The following CDH6 variants were observed in gnomAD, a reference collection of about 807,000 sequenced individuals.
CDH6 encodes cadherin-6.
A neutral mutation model predicts 78.0 loss-of-function variants in CDH6; 31 were observed. That is an observed-to-expected ratio of 0.40 (90% CI 0.30 to 0.54). CDH6 has a LOEUF of 0.54. Among genes scored for constraint, CDH6 ranks in the 20% least tolerant of loss-of-function variants. The probability of loss-of-function intolerance (pLI) is 0.56; values close to 1 mark genes in which losing one functional copy is unlikely to be tolerated. For missense variants in CDH6, 724 were observed against 975.9 expected, an observed-to-expected ratio of 0.74 and a Z score of 3.44; for synonymous variants, 376 against 368.8, an observed-to-expected ratio of 1.02 and a Z score of -0.23.
At chr5:31,225,575 G>A (rs1741130288) in intron 1 of CDH6, among the ~76,000 whole-genome samples, 1 of 152,066 alleles carries the variant, frequency 6.6e-6, no homozygotes, top group Non-Finnish European at 1.5e-5. Context: ...TATACCTTAC[G>A]TGGCCGGAGC....
intron 7 of CDH6, 134 bp from the exon 8 acceptor site, chr5:31,313,184 C>A: frequency 1.5e-6 from 1 of 645,586 alleles, no homozygotes; most frequent in Non-Finnish European, 2.6e-6. Context: ...TTCAAATATG[C>A]ACTAGAGATG....
At chr5:31,282,227 G>T (rs1331328966) in intron 2 of CDH6, among the ~76,000 whole-genome samples, 1 of 152,006 alleles carries the variant, frequency 6.6e-6, no homozygotes, top group Admixed American at 6.6e-5. Context: ...GGTTTCACTG[G>T]GCTAAAATCA....
At chr5:31,202,004 A>G (rs1315908713) in intron 1 of CDH6, among the ~76,000 whole-genome samples, 1 of 152,206 alleles carries the variant, frequency 6.6e-6, no homozygotes, top group Non-Finnish European at 1.5e-5. Flanking sequence ...ACTTGATTAC[A>G]AAGCGGATAA....
At chr5:31,236,685 C>T (rs968637307) in intron 1 of CDH6, among the ~76,000 whole-genome samples, 9 of 152,150 alleles carry the variant, frequency 5.9e-5, no homozygotes, top group Admixed American at 5.9e-4. Flanking sequence ...TCCCCGCCCC[C>T]CATCTCCCAG....
At chr5:31,201,427 A>T (rs983021946) in intron 1 of CDH6, among the ~76,000 whole-genome samples, 1 of 152,194 alleles carries the variant, frequency 6.6e-6, no homozygotes, top group African/African-American at 2.4e-5. Flanking sequence ...AATAAAAAAA[A>T]TCATTGGTCA....
chr5:31,291,540 ACT>A (rs1264781183), intron 2 of CDH6, among the ~76,000 whole-genome samples: 3 of 151,832 alleles, frequency 2.0e-5, no homozygotes, highest in Non-Finnish European at 4.4e-5. Flanking sequence ...AGGTTAATTG[ACT>A]CTGCTGTGTT....
chr5:31,236,604 C>T (rs1282418227), intron 1 of CDH6, among the ~76,000 whole-genome samples: 2 of 152,110 alleles, frequency 1.3e-5, no homozygotes, highest in Non-Finnish European at 2.9e-5. Context: ...CTTTGGCTGG[C>T]CTCTCTGCTA....
chr5:31,240,144 G>T (rs1252126844), intron 1 of CDH6, among the ~76,000 whole-genome samples: 1 of 152,142 alleles, frequency 6.6e-6, no homozygotes, highest in Non-Finnish European at 1.5e-5. Context: ...TGACTGTCAT[G>T]AGATCCATTC....
chr5:31,301,489 CAA>C (rs796742274), intron 5 of CDH6, among the ~76,000 whole-genome samples: 20 of 151,966 alleles, frequency 1.3e-4, no homozygotes, highest in African/African-American at 4.8e-4. Context: ...ATTAGAATTA[CAA>C]ATATAAGTAT....
chr5:31,245,189 T>A (rs1183963499), intron 1 of CDH6, among the ~76,000 whole-genome samples: 1 of 152,114 alleles, frequency 6.6e-6, no homozygotes, highest in Non-Finnish European at 1.5e-5. Flanking sequence ...TATGACACAG[T>A]CTGATTACTG....
chr5:31,212,360 T>C (rs532623468), intron 1 of CDH6, among the ~76,000 whole-genome samples: 89 of 152,316 alleles, frequency 5.8e-4, no homozygotes, highest in African/African-American at 2.1e-3. Context: ...AAAAAATTTT[T>C]CATTAATTGG....
intron 1 of CDH6, among the ~76,000 whole-genome samples, chr5:31,223,284 T>C (rs566687004): frequency 3.3e-5 from 5 of 152,314 alleles, no homozygotes; most frequent in African/African-American, 1.2e-4. Flanking sequence ...GTTTGATGCA[T>C]TTTCATCTCT....
chr5:31,299,444 C>T lies in CDH6; in HGVS notation c.644-20C>T. On this transcript the variant is annotated intron_variant, in intron 4 of 11. Coordinates refer to ENST00000265071, the MANE Select transcript of CDH6 (RefSeq NM_004932.4). ...TATTCTTAATGCATCCCTTTGCACT[C>T]TTAAATTTCACATCCACAGGTATTA... 1 of 1,600,830 alleles carries T rather than the reference C, an allele frequency of 6.2e-7. No individual in the cohort carries two copies.
Position 31,325,020 on chromosome 5 carries a change from T to C in CDH6, c.*1712T>C, listed in dbSNP as rs557989614. On this transcript the variant is annotated 3_prime_UTR_variant, in exon 12 of 12. Coordinates refer to ENST00000265071, the MANE Select transcript of CDH6 (RefSeq NM_004932.4). Reference sequence around the variant, plus strand: ...TTTCTACAAATAATTTTAGTGTCATTTCCATTTGGGGATATTGTCATATCA... The same window carrying C: ...TTTCTACAAATAATTTTAGTGTCATCTCCATTTGGGGATATTGTCATATCA... 2.8e-4 allele frequency: 60 copies of C among 211,462 alleles called. No individual in the cohort carries two copies. Among genetic ancestry groups the C allele is most frequent in the Admixed American group, 1.2e-4 (2 of 17,046 alleles). 13.1% of individuals were successfully genotyped at this position (211,462 alleles called of 1,614,324 possible). A position where few individuals can be genotyped will look rare whatever the true frequency, so the allele number is the denominator to read the frequency against.
At chr5:31,285,187 T>C (rs1384868206) in intron 2 of CDH6, among the ~76,000 whole-genome samples, 2 of 152,214 alleles carry the variant, frequency 1.3e-5, no homozygotes, top group Non-Finnish European at 2.9e-5. Context: ...GGAGTGTTTC[T>C]ATTTTTGCTG....
At chr5:31,314,634 A>C (rs975227643) in intron 8 of CDH6, among the ~76,000 whole-genome samples, 1 of 152,016 alleles carries the variant, frequency 6.6e-6, no homozygotes, top group African/African-American at 2.4e-5. Flanking sequence ...GAATTTTTCA[A>C]GATTTATCTT....
intron 11 of CDH6, among the ~76,000 whole-genome samples, chr5:31,319,859 C>T (rs1055755344): frequency 1.3e-5 from 2 of 152,216 alleles, no homozygotes; most frequent in African/African-American, 4.8e-5. Flanking sequence ...ACTTGCAAAA[C>T]TTTCACATTT....
intron 2 of CDH6, among the ~76,000 whole-genome samples, chr5:31,287,040 T>C (rs746992752): frequency 2.2e-4 from 33 of 151,944 alleles, no homozygotes; most frequent in Admixed American, 4.6e-4. Context: ...ATGTGCTGAG[T>C]GTAAGTTGTC....
Position 31,313,394 on chromosome 5 carries a change from A to C in CDH6, c.1330A>C (p.Lys444Gln), listed in dbSNP as rs764214082. Residue 444 changes from lysine (K) to glutamine (Q), a missense_variant, in exon 8 of 12, where the codon AAA becomes CAA. Around this residue, in one of 3 missense-constraint regions of CDH6, gnomAD observed 446 missense variants for 684.5 expected, o/e 0.65. Transcript: ENST00000265071. ...TGGAAATGGTTCGATTTTTACATCGAAACTTCTTGACCGAGAAACACTGCT... is the reference window on the plus strand; with the variant it reads ...TGGAAATGGTTCGATTTTTACATCGCAACTTCTTGACCGAGAAACACTGCT... ...DSGNGSIFTS[K>Q]LLDRETLLWH... The C allele has an allele frequency of 5.0e-6, 8 of 1,613,978 alleles. No individual in the cohort carries two copies. The African/African-American group carries it at 1.1e-4, about 22-fold the overall frequency.
Sources: allele counts gnomAD v4.1 joint callset (sites outside exome capture counted in the v4.1 genomes callset), GRCh38; gene constraint gnomAD v4.1.1; regional missense constraint gnomAD v4.1.1; transcripts MANE v1.5; gene names NCBI Gene and HGNC (gene_info 2026-07-23, HGNC 2026-07-21).